The following NTM variants were observed in gnomAD, a reference collection of about 807,000 sequenced individuals.
The protein encoded by NTM is neurotrimin, also known as IgLON family member 2.
In NTM, 13 loss-of-function variants were observed where a neutral mutation model predicts 42.1. The ratio of observed to expected loss-of-function variants is 0.31; its 90% CI spans 0.20 to 0.49. The LOEUF is 0.49. NTM is among the 20% of genes least tolerant of loss of function. The pLI, the probability that NTM is intolerant of heterozygous loss-of-function variation, is 0.99. For missense variants in NTM, 373 were observed against 452.8 expected, an observed-to-expected ratio of 0.82 and a Z score of 1.60; for synonymous variants, 187 against 179.2, an observed-to-expected ratio of 1.04 and a Z score of -0.35.
chr11:132,223,356 T>G (rs1363723215), intron 4 of NTM, among the ~76,000 whole-genome samples: 3 of 152,164 alleles, frequency 2.0e-5, no homozygotes, highest in Non-Finnish European at 2.9e-5. Flanking sequence ...AGGTGTGTGT[T>G]TGAGGGATTG....
At chr11:132,136,182 C>T (rs2067890764) in intron 2 of NTM, among the ~76,000 whole-genome samples, 1 of 152,122 alleles carries the variant, frequency 6.6e-6, no homozygotes, top group Admixed American at 6.5e-5. Flanking sequence ...CATGTTGGTC[C>T]TGCTCTCCTG....
At chr11:131,572,678 C>T (rs778848243) in intron 1 of NTM, among the ~76,000 whole-genome samples, 107 of 152,150 alleles carry the variant, frequency 7.0e-4, no homozygotes, top group Non-Finnish European at 1.4e-3. Flanking sequence ...GACATCCCCA[C>T]AGAGGCTCTG....
chr11:132,273,453 G>A (rs927208459), intron 4 of NTM, among the ~76,000 whole-genome samples: 10 of 151,094 alleles, frequency 6.6e-5, no homozygotes, highest in African/African-American at 2.2e-4. Context: ...GGGTTGAGAC[G>A]TATCCTCTAC....
intron 1 of NTM, among the ~76,000 whole-genome samples, chr11:131,576,519 C>A (rs890875546): frequency 3.0e-4 from 45 of 152,306 alleles, no homozygotes; most frequent in African/African-American, 9.9e-4. Context: ...TTCTTCCTTT[C>A]AATGTTCTCT....
intron 2 of NTM, among the ~76,000 whole-genome samples, chr11:131,917,659 CTA>C (rs2056603646): frequency 6.6e-6 from 1 of 152,188 alleles, no homozygotes; most frequent in South Asian, 2.1e-4. Flanking sequence ...GGTGGTATAA[CTA>C]TTGATCCGTT....
intron 4 of NTM, among the ~76,000 whole-genome samples, chr11:132,300,392 A>C (rs2094799894): frequency 6.6e-6 from 1 of 152,230 alleles, no homozygotes; most frequent in Non-Finnish European, 1.5e-5. Context: ...ATTTTACAGA[A>C]GAGGAATCTG....
rs902397381 is a variant in NTM, at chr11:131,689,402, A to G, written c.83-222162A>G. Among the ~76,000 whole-genome samples, 12 of 152,380 alleles carry G rather than the reference A, an allele frequency of 7.9e-5. No individual in the cohort carries two copies. In the East Asian group the frequency reaches 2.3e-3, roughly 29 times the overall value. ...AAAGGAGAAGGGTCAGAGCCAGGGCAGAGTGAATCTGTGTCTCTTCTGATC... is the reference window on the plus strand; with the variant it reads ...AAAGGAGAAGGGTCAGAGCCAGGGCGGAGTGAATCTGTGTCTCTTCTGATC... On this transcript the variant is annotated intron_variant, in intron 1 of 8. Coordinates refer to ENST00000683400, the MANE Select transcript of NTM (RefSeq NM_001352005.2).
chr11:131,829,586 T>C (rs1236514405), intron 1 of NTM, among the ~76,000 whole-genome samples: 2 of 152,212 alleles, frequency 1.3e-5, no homozygotes, highest in African/African-American at 2.4e-5. Context: ...TGATCCACCA[T>C]TGATAGGCAC....
At chr11:132,198,905 A>C (rs2080728810) in intron 3 of NTM, among the ~76,000 whole-genome samples, 1 of 152,192 alleles carries the variant, frequency 6.6e-6, no homozygotes, top group South Asian at 2.1e-4. Context: ...CATCCAGCCA[A>C]TATCTAATAA....
At chr11:131,751,119 A>G (rs555237612) in intron 1 of NTM, among the ~76,000 whole-genome samples, 2 of 152,078 alleles carry the variant, frequency 1.3e-5, no homozygotes, top group South Asian at 4.2e-4. Context: ...ATCCTCTCTC[A>G]GTGTGATCTA....
intron 1 of NTM, among the ~76,000 whole-genome samples, chr11:131,430,310 T>C (rs1015934550): frequency 6.6e-6 from 1 of 152,176 alleles, no homozygotes; most frequent in Non-Finnish European, 1.5e-5. Flanking sequence ...GACTTATCCA[T>C]ACAAAGAGTT....
chr11:131,529,657 A>G (rs376331910), intron 1 of NTM, among the ~76,000 whole-genome samples: 112 of 152,276 alleles, frequency 7.4e-4, no homozygotes, highest in African/African-American at 2.5e-3. Flanking sequence ...CATGGCATGG[A>G]TATTTATACA....
intron 1 of NTM, among the ~76,000 whole-genome samples, chr11:131,690,442 G>A (rs141922220): frequency 1.1e-3 from 170 of 152,238 alleles, no homozygotes; most frequent in Non-Finnish European, 2.1e-3. Context: ...GTCAGTTCCC[G>A]GGGACTGTGG....
chr11:132,258,015 A>T (rs2092612123), intron 4 of NTM, among the ~76,000 whole-genome samples: 1 of 152,250 alleles, frequency 6.6e-6, no homozygotes, highest in Non-Finnish European at 1.5e-5. Flanking sequence ...TGTGACAGCA[A>T]GAACACATGG....
chr11:131,912,487 C>T (rs572580245), intron 2 of NTM, among the ~76,000 whole-genome samples: 3 of 152,318 alleles, frequency 2.0e-5, no homozygotes, highest in East Asian at 3.9e-4. Flanking sequence ...ATTACCTTGC[C>T]TGCAGAAACG....
chr11:131,477,979 C>T (rs1339580800), intron 1 of NTM, among the ~76,000 whole-genome samples: 2 of 152,098 alleles, frequency 1.3e-5, no homozygotes, highest in Non-Finnish European at 2.9e-5. Context: ...CAGTGACTTT[C>T]TGGCCCACGC....
chr11:132,330,246 C>T (rs2095776087), intron 8 of NTM, 61 bp downstream of exon 8: 3 of 1,530,128 alleles, frequency 2.0e-6, no homozygotes, highest in Non-Finnish European at 2.7e-6. Flanking sequence ...AAACTCTTCA[C>T]CTTCCTCCCA....
At chr11:131,780,075 T>C (rs190349422) in intron 1 of NTM, among the ~76,000 whole-genome samples, 1 of 152,314 alleles carries the variant, frequency 6.6e-6, no homozygotes, top group East Asian at 1.9e-4. Flanking sequence ...CTAGTGAATC[T>C]GGATGCTGTC....
chr11:131,655,666 G>C (rs563358321), intron 1 of NTM, among the ~76,000 whole-genome samples: 1 of 152,342 alleles, frequency 6.6e-6, no homozygotes, highest in South Asian at 2.1e-4. Context: ...AAGGACGGTG[G>C]ACTGGCAGGG....
Sources: gnomAD v4.1 joint callset for allele counts (sites outside exome capture counted in the v4.1 genomes callset) on GRCh38, gnomAD v4.1.1 for gene constraint, MANE v1.5 for transcripts, NCBI Gene and HGNC (gene_info 2026-07-23, HGNC 2026-07-21) for gene names.